MRM1: variants seen among roughly 807,000 people sequenced by gnomAD.
MRM1 encodes the protein rRNA methyltransferase 1, mitochondrial.
In MRM1, 24 loss-of-function variants were observed where a neutral mutation model predicts 25.0. The observed-to-expected ratio is 0.96, with a 90% confidence interval of 0.69 to 1.35. The LOEUF is 1.35. Among genes scored for constraint, MRM1 ranks in the 40% most tolerant of loss-of-function variants. MRM1 has a pLI of 0.00. For missense variants in MRM1, 431 were observed against 464.1 expected (o/e 0.93, Z 0.65); for synonymous variants, 188 against 199.2 (o/e 0.94, Z 0.47).
the MRM1 span, among the ~76,000 whole-genome samples, chr17:36,622,678 A>G: frequency 2.0e-5 from 3 of 152,106 alleles, no homozygotes; most frequent in Admixed American, 6.5e-5. Flanking sequence ...GGTGGGGGAC[A>G]GTTAGAGTTG....
the MRM1 span, among the ~76,000 whole-genome samples, chr17:36,615,382 C>A: frequency 6.6e-6 from 1 of 152,162 alleles, no homozygotes; most frequent in Non-Finnish European, 1.5e-5. Context: ...CATGGGCTGG[C>A]GGGCGCGGTG....
At chr17:36,611,033 C>CA (rs1377540759), downstream of MRM1, among the ~76,000 whole-genome samples, 1 of 152,120 alleles carries the variant, frequency 6.6e-6, no homozygotes, top group Non-Finnish European at 1.5e-5. Flanking sequence ...AGGCTGGTCT[C>CA]AAATTCCCTG....
chr17:36,633,129 C>T, the MRM1 span, among the ~76,000 whole-genome samples: 1 of 152,218 alleles, frequency 6.6e-6, no homozygotes, highest in Non-Finnish European at 1.5e-5. Context: ...CCTCCTTTCT[C>T]CTTCACCGCG....
the MRM1 span, among the ~76,000 whole-genome samples, chr17:36,614,452 C>T: frequency 2.6e-5 from 4 of 152,164 alleles, no homozygotes; most frequent in African/African-American, 9.7e-5. Flanking sequence ...TCCCCCTCTC[C>T]TGAGGGTCCT....
At chr17:36,631,121 C>T in the MRM1 span, among the ~76,000 whole-genome samples, 6 of 152,316 alleles carry the variant, frequency 3.9e-5, no homozygotes, top group African/African-American at 9.6e-5. Context: ...ATTTAACAAA[C>T]GTGAACGGAG....
At chr17:36,614,482 G>A in the MRM1 span, among the ~76,000 whole-genome samples, 1 of 152,134 alleles carries the variant, frequency 6.6e-6, no homozygotes, top group Non-Finnish European at 1.5e-5. Flanking sequence ...GTCAGGGGAC[G>A]AAGCACCTGG....
chr17:36,608,862 C>T lies in MRM1; in HGVS notation c.*447C>T, dbSNP rs1461091121. On this transcript the variant is annotated 3_prime_UTR_variant, in exon 5 of 5. Transcript: ENST00000614766. ...TGCGCACCTCAGGCCCACACACGGC[C>T]CCGCCCTGGGGCCTTGAGCGCAGGC... 3 of 163,814 alleles carry T rather than the reference C, an allele frequency of 1.8e-5. No individual in the cohort carries two copies. The highest frequency in any genetic ancestry group is 4.8e-5 in the African/African-American group (2 of 42,002). 10.1% of individuals were successfully genotyped at this position (163,814 alleles called of 1,614,324 possible).
chr17:36,605,719 A>G (rs551062066), intron 2 of MRM1, among the ~76,000 whole-genome samples: 1 of 148,530 alleles, frequency 6.7e-6, no homozygotes, highest in East Asian at 2.0e-4. Flanking sequence ...TTCTGGAGCA[A>G]CTCCATCCCT....
chr17:36,606,551 G>C (rs1021527165), intron 2 of MRM1, among the ~76,000 whole-genome samples: 1 of 151,748 alleles, frequency 6.6e-6, no homozygotes. Context: ...TGGGATTACA[G>C]GCTGATTTTT....
At chr17:36,603,766 G>A (rs1443789590) in intron 2 of MRM1, among the ~76,000 whole-genome samples, 1 of 152,128 alleles carries the variant, frequency 6.6e-6, no homozygotes, top group Admixed American at 6.5e-5. Context: ...AACACACCTC[G>A]ATTTGAATTA....
Position 36,602,202 on chromosome 17 carries a change from G to C in MRM1, c.392G>C (p.Trp131Ser). ...GTGAGCCCGCTGCGGCCCCGGCCTT[G>C]GAGAGAGGCCGGGGAGGCGAGCCCA... ...MEVSPLRPRP[W>S]REAGEASPGD... Residue 131 changes from tryptophan to serine, a missense_variant, in exon 1 of 5, where the codon TGG (tryptophan) becomes TCG (serine). Physicochemically the swap from Trp to Ser is radical, Grantham distance 177. Transcript: ENST00000614766. The surrounding 1 kb of genome is among the most constrained non-coding windows in gnomAD (Gnocchi z 4.1). 1 of 1,610,764 alleles carries C rather than the reference G, an allele frequency of 6.2e-7. No individual in the cohort carries two copies. The highest frequency in any genetic ancestry group is 1.1e-5 in the South Asian group (1 of 91,004).
At chr17:36,621,745 G>T in the MRM1 span, among the ~76,000 whole-genome samples, 1 of 152,314 alleles carries the variant, frequency 6.6e-6, no homozygotes, top group South Asian at 2.1e-4. Context: ...TGTCAGGGTT[G>T]GCAGGTGGCA....
chr17:36,625,991 C>A, the MRM1 span, among the ~76,000 whole-genome samples: 55 of 152,120 alleles, frequency 3.6e-4, no homozygotes, highest in African/African-American at 1.3e-3. Flanking sequence ...CCATGCCCCC[C>A]CGCCGACCCC....
chr17:36,633,634 G>A, the MRM1 span, among the ~76,000 whole-genome samples: 1 of 151,372 alleles, frequency 6.6e-6, no homozygotes, highest in Non-Finnish European at 1.5e-5. Context: ...AGCAGGAAAA[G>A]GAGGAGGAGG....
In MRM1 at chr17:36,601,843, C is replaced by A. The variant is rs745848605; in HGVS notation, c.33C>A (p.Thr11=). The change falls in exon 1 of 5, where the codon ACC becomes ACA. Residue 11 remains threonine (T), a synonymous_variant. Transcript: ENST00000614766. The part of the protein sequence containing the change: MALLSTVRGA[T]WGRLVTRHFS... ...TGCTCTCGACCGTCCGGGGCGCGAC[C>A]TGGGGTCGCCTCGTCACCCGTCATT... 3.1e-6 allele frequency: 5 copies of A among 1,588,648 alleles called. No homozygotes were observed. The Admixed American group carries it at 5.1e-5, about 16-fold the overall frequency.
the MRM1 span, among the ~76,000 whole-genome samples, chr17:36,629,377 G>A: frequency 1.3e-5 from 2 of 152,160 alleles, no homozygotes; most frequent in Admixed American, 6.5e-5. Flanking sequence ...TTCTGCACCC[G>A]GCCACCCCCA....
chr17:36,612,824 C>T (rs901228235), downstream of MRM1, among the ~76,000 whole-genome samples: 2 of 152,166 alleles, frequency 1.3e-5, no homozygotes, highest in Admixed American at 6.5e-5. Context: ...AACCCTCAGC[C>T]CCATGCCTGG....
chr17:36,612,358 G>A (rs2074981946), downstream of MRM1, among the ~76,000 whole-genome samples: 1 of 152,242 alleles, frequency 6.6e-6, no homozygotes. Context: ...ACACACAGGT[G>A]TGTGCTAATT....
the MRM1 span, among the ~76,000 whole-genome samples, chr17:36,621,595 G>T: frequency 1.2e-4 from 19 of 152,246 alleles, no homozygotes; most frequent in African/African-American, 4.6e-4. Context: ...GCCCATTGTG[G>T]AGAAAAAATC....
Sources: allele counts gnomAD v4.1 joint callset (sites outside exome capture counted in the v4.1 genomes callset), GRCh38; gene constraint gnomAD v4.1.1; non-coding constraint Gnocchi (gnomAD v3.1); transcripts MANE v1.5; gene names NCBI Gene and HGNC (gene_info 2026-07-23, HGNC 2026-07-21).